BCL7C: variants seen among roughly 807,000 people sequenced by gnomAD.
The protein encoded by BCL7C is BAF chromatin remodeling complex subunit BCL7C.
In BCL7C, 8 loss-of-function variants were observed where a neutral mutation model predicts 26.2. The ratio of observed to expected loss-of-function variants is 0.30; its 90% CI spans 0.18 to 0.55. The LOEUF is 0.55. Among genes scored for constraint, BCL7C ranks in the 20% least tolerant of loss-of-function variants. The probability of loss-of-function intolerance (pLI) is 0.93; values close to 1 mark genes in which losing one functional copy is unlikely to be tolerated. For missense variants in BCL7C, 262 were observed against 298.5 expected (o/e 0.88, Z 0.90); for synonymous variants, 90 against 116.5 (o/e 0.77, Z 1.47).
chr16:30,857,208 GT>G (rs1437329662), intron 5 of BCL7C, among the ~76,000 whole-genome samples: 1 of 151,132 alleles, frequency 6.6e-6, no homozygotes, highest in African/African-American at 2.4e-5. Context: ...GGCCAACATG[GT>G]GAAACCCCAC....
intron 5 of BCL7C, among the ~76,000 whole-genome samples, chr16:30,870,325 T>C (rs1027574226): frequency 2.6e-5 from 4 of 152,198 alleles, no homozygotes; most frequent in Admixed American, 6.5e-5. Flanking sequence ...AGTTTCATTC[T>C]GAAGTTCCTA....
At chr16:30,850,553 C>G (rs1375321703) in intron 5 of BCL7C, among the ~76,000 whole-genome samples, 2 of 152,116 alleles carry the variant, frequency 1.3e-5, no homozygotes, top group African/African-American at 4.8e-5. Context: ...TCCTAGCCTA[C>G]AGATCTGTAC....
chr16:30,872,396 C>G (rs1052838689), intron 5 of BCL7C, among the ~76,000 whole-genome samples: 10 of 152,230 alleles, frequency 6.6e-5, no homozygotes, highest in Admixed American at 4.6e-4. Flanking sequence ...TAAGGGACCC[C>G]TGTGGGCTTG....
At chr16:30,850,133 C>A (rs1171134438) in intron 5 of BCL7C, among the ~76,000 whole-genome samples, 2 of 151,186 alleles carry the variant, frequency 1.3e-5, no homozygotes, top group Admixed American at 1.3e-4. Context: ...TGGCGTGAAC[C>A]CAGGAGGCAG....
chr16:30,873,234 GA>G (rs1555481601), intron 5 of BCL7C, among the ~76,000 whole-genome samples: 1 of 12,184 alleles, frequency 8.2e-5, no homozygotes, highest in African/African-American at 3.9e-4. Context: ...TCAAGGAGTT[GA>G]TTTTGTTAAA....
rs1187827463 is a variant in BCL7C, at chr16:30,879,689, C to CAAAAAAAAAAAAAAAAAAAAAAAAA, written c.528+9170_528+9171insTTTTTTTTTTTTTTTTTTTTTTTTT. ...AACACAGAGAGACTCCCCTTCTCTA[C>CAAAAAAAAAAAAAAAAAAAAAAAAA]AAAAAAAAAAAAAAAAAAAACTGGG... On this transcript the variant is annotated intron_variant, in intron 5 of 5. Transcript: ENST00000380317. Among the ~76,000 whole-genome samples, 87 of 29,392 alleles carry CAAAAAAAAAAAAAAAAAAAAAAAAA rather than the reference C, an allele frequency of 3.0e-3. 29 individuals are homozygous for CAAAAAAAAAAAAAAAAAAAAAAAAA. The highest frequency in any genetic ancestry group is 0.011 in the South Asian group (3 of 270). 19.3% of individuals were successfully genotyped at this position (29,392 alleles called of 152,430 possible). A position where few individuals can be genotyped will look rare whatever the true frequency, so the allele number is the denominator to read the frequency against.
chr16:30,893,406 A>G lies in BCL7C; in HGVS notation c.93-116T>C. On this transcript the variant is annotated intron_variant, in intron 1 of 5. Coordinates refer to ENST00000215115, the MANE Select transcript of BCL7C (RefSeq NM_004765.4). The surrounding 1 kb of genome is among the most constrained non-coding windows in gnomAD (Gnocchi z 5.2). ...TGAGGAGGCACAGGAGGATAGCAAC[A>G]GTTTTGCTAATGGGGCATAGTTACA... 6.8e-6 allele frequency: 5 copies of G among 730,820 alleles called. No individual in the cohort carries two copies. The highest frequency in any genetic ancestry group is 1.1e-5 in the Non-Finnish European group (5 of 443,822). The allele number at this position is 730,820 out of a possible 1,614,324, so 45.3% of individuals were successfully genotyped here. A position where few individuals can be genotyped will look rare whatever the true frequency, so the allele number is the denominator to read the frequency against.
At chr16:30,849,194 A>G (rs571017876) in intron 5 of BCL7C, among the ~76,000 whole-genome samples, 229 of 152,018 alleles carry the variant, frequency 1.5e-3, no homozygotes, top group African/African-American at 5.3e-3. Context: ...CTCAAAAAAA[A>G]AAAAAGAAAA....
At position 30,893,402 on chromosome 16, in the gene BCL7C, C is replaced by G; in HGVS notation, c.93-112G>C. The G allele has an allele frequency of 1.3e-6, 1 of 776,618 alleles. No individual in the cohort carries two copies. The highest frequency in any genetic ancestry group is 2.1e-6 in the Non-Finnish European group (1 of 483,596). The allele number at this position is 776,618 out of a possible 1,614,324, so 48.1% of individuals were successfully genotyped here. ...AGGTTGAGGAGGCACAGGAGGATAG[C>G]AACAGTTTTGCTAATGGGGCATAGT... On this transcript the variant is annotated intron_variant, in intron 1 of 5. Coordinates refer to ENST00000215115, the MANE Select transcript of BCL7C (RefSeq NM_004765.4). This position sits in a 1 kb window ranked among gnomAD's most constrained non-coding sequence, Gnocchi z 5.2.
At chr16:30,885,562 C>T (rs1168307640), downstream of BCL7C, among the ~76,000 whole-genome samples, 1 of 152,040 alleles carries the variant, frequency 6.6e-6, no homozygotes, top group Non-Finnish European at 1.5e-5. Context: ...CGCCACTATG[C>T]CCAGCCAACT....
At chr16:30,876,423 G>A (rs1228139254) in intron 5 of BCL7C, among the ~76,000 whole-genome samples, 1 of 152,206 alleles carries the variant, frequency 6.6e-6, no homozygotes, top group South Asian at 2.1e-4. Flanking sequence ...CAGGAGAAAT[G>A]TAACCAGAAA....
chr16:30,835,890 G>A (rs1162957862), intron 5 of BCL7C, among the ~76,000 whole-genome samples: 1 of 151,936 alleles, frequency 6.6e-6, no homozygotes, highest in African/African-American at 2.4e-5. Flanking sequence ...CGATGGTTTA[G>A]CCTGTTATCC....
rs111624190 is a variant in BCL7C at position 30,864,677 on chromosome 16, G to C, written c.528+24183C>G. 3.9e-3 allele frequency among the ~76,000 whole-genome samples: 593 copies of C among 152,076 alleles called. 10 individuals are homozygous for C. Among genetic ancestry groups the C allele is most frequent in the African/African-American group, 0.014 (567 of 41,464 alleles). The stretch of plus-strand genomic sequence containing the variant: ...TATAAGACAGGAATGTCAGACCTCT[G>C]AGCCCAGGCTAAGCCATCATATCCC... On this transcript the variant is annotated intron_variant, in intron 5 of 5. Transcript: ENST00000380317.
chr16:30,852,346 G>A (rs2151365141), intron 5 of BCL7C: 1 of 151,932 alleles, frequency 6.6e-6, no homozygotes, highest in Admixed American at 6.6e-5. Context: ...AAAATAAACA[G>A]CAGTAATGAG....
At chr16:30,852,561 G>A (rs1596587756) in intron 5 of BCL7C, among the ~76,000 whole-genome samples, 1 of 147,410 alleles carries the variant, frequency 6.8e-6, no homozygotes, top group East Asian at 2.0e-4. Context: ...TTGTGATCTC[G>A]GCTCACGGCA....
chr16:30,878,560 G>C (rs888162637), intron 5 of BCL7C, among the ~76,000 whole-genome samples: 1 of 147,798 alleles, frequency 6.8e-6, no homozygotes, highest in Non-Finnish European at 1.5e-5. Context: ...AAATGTCTGG[G>C]GTGGCTGGGC....
At chr16:30,878,716 A>C (rs1176371025) in intron 5 of BCL7C, among the ~76,000 whole-genome samples, 2 of 131,152 alleles carry the variant, frequency 1.5e-5, no homozygotes, top group Non-Finnish European at 1.6e-5. Flanking sequence ...GGTGGCACGC[A>C]CCTGTAATCC....
At chr16:30,859,845 G>A (rs1194820356) in intron 5 of BCL7C, among the ~76,000 whole-genome samples, 1 of 152,202 alleles carries the variant, frequency 6.6e-6, no homozygotes, top group African/African-American at 2.4e-5. Flanking sequence ...CACAAAGCCT[G>A]TTTGGTGGTC....
chr16:30,845,291 A>G (rs2054627143), intron 5 of BCL7C, among the ~76,000 whole-genome samples: 1 of 152,148 alleles, frequency 6.6e-6, no homozygotes, highest in Non-Finnish European at 1.5e-5. Context: ...CACTTTATCT[A>G]ACAGGTAGAA....
Sources: gnomAD v4.1 joint callset for allele counts (sites outside exome capture counted in the v4.1 genomes callset) on GRCh38, gnomAD v4.1.1 for gene constraint, Gnocchi (gnomAD v3.1) non-coding constraint, MANE v1.5 for transcripts, NCBI Gene and HGNC (gene_info 2026-07-23, HGNC 2026-07-21) for gene names.